Variants in SAMD3 observed in about 807,000 individuals in gnomAD.
SAMD3 encodes the protein sterile alpha motif domain-containing protein 3.
A neutral mutation model predicts 58.5 loss-of-function variants in SAMD3; 63 were observed. That is an observed-to-expected ratio of 1.08 (90% CI 0.88 to 1.33). The LOEUF (loss-of-function observed/expected upper bound fraction) is 1.33, where lower values mean the gene tolerates loss of function less well. SAMD3 is among the 40% of genes most tolerant of loss of function. SAMD3 has a pLI of 0.00. For synonymous variants in SAMD3, 220 were observed against 210.3 expected, an observed-to-expected ratio of 1.05 and a Z score of -0.40; for missense variants, 604 against 608.4, an observed-to-expected ratio of 0.99 and a Z score of 0.08.
At chr6:130,351,583 G>A (rs1435179958) in intron 1 of SAMD3, among the ~76,000 whole-genome samples, 1 of 152,186 alleles carries the variant, frequency 6.6e-6, no homozygotes, top group Admixed American at 6.5e-5. Context: ...AACAACAGGT[G>A]CTGGAGAGGA....
chr6:130,177,954 C>CA (rs1467716682), intron 7 of SAMD3, among the ~76,000 whole-genome samples: 1 of 151,968 alleles, frequency 6.6e-6, no homozygotes, highest in Non-Finnish European at 1.5e-5. Flanking sequence ...GTAACTAACT[C>CA]ACTGCATGAG....
At chr6:130,209,683 A>T (rs1231020501) in intron 4 of SAMD3, 75 bp from the exon 5 acceptor site, 7 of 874,684 alleles carry the variant, frequency 8.0e-6, no homozygotes, top group African/African-American at 1.7e-5. Context: ...CTCTGAAGGT[A>T]GCACCAGCCC....
chr6:130,189,881 G>C (rs139609257), intron 5 of SAMD3, among the ~76,000 whole-genome samples: 2 of 152,194 alleles, frequency 1.3e-5, no homozygotes, highest in Non-Finnish European at 2.9e-5. Flanking sequence ...GAAGACACTG[G>C]GCCTTTGATG....
intron 1 of SAMD3, among the ~76,000 whole-genome samples, chr6:130,317,627 G>T (rs9492545): frequency 0.38 from 57,961 of 151,624 alleles, 11,583 homozygotes; most frequent in African/African-American, 0.5. Context: ...TAAGTAGAAT[G>T]GCTGTTCTAA....
intron 1 of SAMD3, among the ~76,000 whole-genome samples, chr6:130,358,344 G>A (rs1777894741): frequency 6.6e-6 from 1 of 152,172 alleles, no homozygotes; most frequent in African/African-American, 2.4e-5. Flanking sequence ...TTTCAATTCT[G>A]ATTGCAGATC....
chr6:130,338,186 G>C (rs1038085350), intron 1 of SAMD3, among the ~76,000 whole-genome samples: 6 of 152,234 alleles, frequency 3.9e-5, no homozygotes, highest in African/African-American at 1.4e-4. Context: ...ATACAGCTTG[G>C]ACCATTGCTT....
chr6:130,242,202 A>AT (rs958685884), intron 2 of SAMD3, among the ~76,000 whole-genome samples: 4 of 151,754 alleles, frequency 2.6e-5, no homozygotes, highest in Non-Finnish European at 4.4e-5. Context: ...TAGGTTGGCA[A>AT]TTTTTTTTTC....
At chr6:130,246,053 C>T (rs1404707732) in intron 2 of SAMD3, among the ~76,000 whole-genome samples, 1 of 152,032 alleles carries the variant, frequency 6.6e-6, no homozygotes, top group Non-Finnish European at 1.5e-5. Flanking sequence ...AACAGCCATT[C>T]CCCCAGTTGC....
chr6:130,199,090 C>A (rs1294398200), intron 5 of SAMD3, among the ~76,000 whole-genome samples: 1 of 152,220 alleles, frequency 6.6e-6, no homozygotes, highest in African/African-American at 2.4e-5. Flanking sequence ...GAACAAGGGA[C>A]AAGTGGAACA....
chr6:130,173,704 G>A lies in SAMD3; in HGVS notation c.822+2137C>T, dbSNP rs371247773. 4.8e-4 allele frequency among the ~76,000 whole-genome samples: 73 copies of A among 152,324 alleles called. 1 individual carries two copies. The highest frequency in any genetic ancestry group is 3.4e-3 in the Middle Eastern group (1 of 294). ...GTCTGTCCCTTAGCAGAGCTGGTGCGCTGTGCTGGGAGAATCCCTCTTGTC... is the reference window on the plus strand; with the variant it reads ...GTCTGTCCCTTAGCAGAGCTGGTGCACTGTGCTGGGAGAATCCCTCTTGTC... On this transcript the variant is annotated intron_variant, in intron 8 of 11. Transcript: ENST00000439090.
upstream of SAMD3, among the ~76,000 whole-genome samples, chr6:130,223,277 G>T (rs1333729005): frequency 3.3e-5 from 5 of 152,184 alleles, no homozygotes; most frequent in African/African-American, 1.2e-4. Flanking sequence ...AGGTTCTAGT[G>T]TCTTGAGGCT....
chr6:130,226,097 G>T (rs1333081887), upstream of SAMD3, among the ~76,000 whole-genome samples: 1 of 152,208 alleles, frequency 6.6e-6, no homozygotes, highest in Admixed American at 6.5e-5. Flanking sequence ...CCAGGAAGGG[G>T]TATTAGTGAA....
chr6:130,339,102 A>G (rs10872363), intron 1 of SAMD3, among the ~76,000 whole-genome samples: 69,424 of 151,584 alleles, frequency 0.46, 18,718 homozygotes, highest in African/African-American at 0.76. Context: ...GCTGGAGTGT[A>G]GCAGCACAAT....
At chr6:130,273,888 T>A (rs1774675479) in intron 2 of SAMD3, among the ~76,000 whole-genome samples, 1 of 152,154 alleles carries the variant, frequency 6.6e-6, no homozygotes, top group South Asian at 2.1e-4. Context: ...ATTCTTAATA[T>A]TTTTTGACTT....
chr6:130,240,321 G>A (rs748230895), intron 2 of SAMD3, among the ~76,000 whole-genome samples: 9 of 152,160 alleles, frequency 5.9e-5, no homozygotes, highest in African/African-American at 1.4e-4. Context: ...ATCTCTGTGT[G>A]TCTTAATAAA....
chr6:130,308,362 TC>T (rs1475397056), intron 2 of SAMD3, among the ~76,000 whole-genome samples: 462 of 52,362 alleles, frequency 8.8e-3, no homozygotes, highest in Non-Finnish European at 0.012. Flanking sequence ...TCTATTCTAT[TC>T]TATTCTATTC....
At chr6:130,294,897 T>C (rs1775505443) in intron 2 of SAMD3, among the ~76,000 whole-genome samples, 1 of 147,406 alleles carries the variant, frequency 6.8e-6, no homozygotes, top group Non-Finnish European at 1.5e-5. Context: ...AATTTTTCCA[T>C]ACATTTCTCT....
chr6:130,253,645 A>G (rs946222877), intron 2 of SAMD3, among the ~76,000 whole-genome samples: 1 of 152,110 alleles, frequency 6.6e-6, no homozygotes, highest in Non-Finnish European at 1.5e-5. Context: ...GTATAATTTT[A>G]TATTCTCACC....
At chr6:130,164,624 C>T (rs995948622) in intron 8 of SAMD3, among the ~76,000 whole-genome samples, 3 of 152,088 alleles carry the variant, frequency 2.0e-5, no homozygotes, top group African/African-American at 7.2e-5. Flanking sequence ...ATAACCCCCA[C>T]ACTTTATAGT....
Sources: gnomAD v4.1 joint callset for allele counts (sites outside exome capture counted in the v4.1 genomes callset) on GRCh38, gnomAD v4.1.1 for gene constraint, MANE v1.5 for transcripts, NCBI Gene and HGNC (gene_info 2026-07-23, HGNC 2026-07-21) for gene names.